LCLAT1: variants seen among roughly 807,000 people sequenced by gnomAD.
The protein encoded by LCLAT1 is lysocardiolipin acyltransferase 1, also known as 1-AGP acyltransferase 8.
A neutral mutation model predicts 30.7 loss-of-function variants in LCLAT1; 11 were observed. The observed-to-expected ratio is 0.36, with a 90% CI of 0.23 to 0.59. The LOEUF (loss-of-function observed/expected upper bound fraction) is 0.59, where lower values mean the gene tolerates loss of function less well. Ranked by LOEUF, LCLAT1 falls within the 20% of genes least tolerant of loss-of-function variation. LCLAT1 has a pLI of 0.77. For missense variants in LCLAT1, 402 were observed against 458.6 expected (o/e 0.88, Z 1.13); for synonymous variants, 155 against 151.3 (o/e 1.02, Z -0.18).
chr2:30,452,583 T>C (rs1483588776), intron 1 of LCLAT1, among the ~76,000 whole-genome samples: 1 of 152,214 alleles, frequency 6.6e-6, no homozygotes, highest in African/African-American at 2.4e-5. Flanking sequence ...ATACAATACA[T>C]GATATTTTAT....
chr2:30,628,824 T>C (rs953519521), intron 5 of LCLAT1, among the ~76,000 whole-genome samples: 1 of 152,114 alleles, frequency 6.6e-6, no homozygotes. Context: ...CAGAGAAATA[T>C]AGGATACATG....
At chr2:30,455,519 G>C (rs1365535476) in intron 1 of LCLAT1, among the ~76,000 whole-genome samples, 1 of 152,110 alleles carries the variant, frequency 6.6e-6, no homozygotes, top group Non-Finnish European at 1.5e-5. Flanking sequence ...GGTGGCTGAT[G>C]GCATTCCTTG....
At chr2:30,540,822 G>T (rs575328808) in intron 3 of LCLAT1, among the ~76,000 whole-genome samples, 3 of 151,660 alleles carry the variant, frequency 2.0e-5, no homozygotes, top group African/African-American at 7.3e-5. Flanking sequence ...CTGCCACCAC[G>T]CCCGGCTACT....
chr2:30,641,481 C>T lies in LCLAT1; in HGVS notation c.*862C>T, dbSNP rs1007540986. ...ACTCAGAACATTCTGTCATTCCAGT[C>T]AGAAACTGTCTTTTGAAATATTTCT... On this transcript the variant is annotated 3_prime_UTR_variant, in exon 6 of 6. Transcript: ENST00000379509. 3.3e-5 allele frequency: 5 copies of T among 152,262 alleles called. No individual in the cohort carries two copies. Among genetic ancestry groups the T allele is most frequent in the African/African-American group, 1.2e-4 (5 of 41,556 alleles). 9.4% of individuals were successfully genotyped at this position (152,262 alleles called of 1,614,324 possible). A position where few individuals can be genotyped will look rare whatever the true frequency, so the allele number is the denominator to read the frequency against.
intron 3 of LCLAT1, among the ~76,000 whole-genome samples, chr2:30,557,491 T>G (rs1056989372): frequency 6.6e-6 from 1 of 152,112 alleles, no homozygotes; most frequent in Non-Finnish European, 1.5e-5. Context: ...CTTGGCTCAC[T>G]GCAACCTCTG....
chr2:30,509,240 C>G (rs1488446810), intron 1 of LCLAT1, among the ~76,000 whole-genome samples: 1 of 152,112 alleles, frequency 6.6e-6, no homozygotes, highest in Non-Finnish European at 1.5e-5. Context: ...TCCTCTCTTC[C>G]TATTTGGATG....
intron 5 of LCLAT1, among the ~76,000 whole-genome samples, chr2:30,634,961 A>G (rs933362440): frequency 6.6e-6 from 1 of 152,250 alleles, no homozygotes; most frequent in African/African-American, 2.4e-5. Context: ...GCCAGAGGCC[A>G]TGGTGCCAGA....
chr2:30,521,171 G>A (rs1417812961), intron 1 of LCLAT1, among the ~76,000 whole-genome samples: 3 of 152,220 alleles, frequency 2.0e-5, no homozygotes, highest in African/African-American at 7.2e-5. Flanking sequence ...AAATGCCAGG[G>A]CAATGTCAAG....
intron 1 of LCLAT1, chr2:30,476,767 G>A (rs561572587): frequency 4.4e-5 from 14 of 317,060 alleles, no homozygotes; most frequent in African/African-American, 1.5e-4. Context: ...TGGAAAAATC[G>A]TCTTCTATGA....
chr2:30,499,790 T>G (rs1263782715), intron 1 of LCLAT1, among the ~76,000 whole-genome samples: 2 of 152,262 alleles, frequency 1.3e-5, no homozygotes, highest in Non-Finnish European at 2.9e-5. Context: ...ATTGCCTTTC[T>G]TAAGCCTTCA....
rs61325694 is a variant in LCLAT1, at chr2:30,568,864, CAAAAA to C, written c.628+704_628+708del. Among the ~76,000 whole-genome samples the C allele has an allele frequency of 1.2e-4, 11 of 89,114 alleles. 1 individual carries two copies. The highest frequency in any genetic ancestry group is 1.1e-3 in the Admixed American group (7 of 6,508). The allele number at this position is 89,114 out of a possible 152,430, so 58.5% of individuals were successfully genotyped here. On this transcript the variant is annotated intron_variant, in intron 5 of 5. Coordinates refer to ENST00000379509, the MANE Select transcript of LCLAT1 (RefSeq NM_001002257.3). Reference sequence around the variant, plus strand: ...CCATTTCTCTAGTAATCATGAATAGCAAAAAAAAAAAAAAAAAAAAGAGAAAAAAA... The same window carrying C: ...CCATTTCTCTAGTAATCATGAATAGCAAAAAAAAAAAAAAAGAGAAAAAAA...
At chr2:30,463,777 C>G (rs1305744176) in intron 1 of LCLAT1, among the ~76,000 whole-genome samples, 1 of 152,194 alleles carries the variant, frequency 6.6e-6, no homozygotes, top group Non-Finnish European at 1.5e-5. Flanking sequence ...GGCCCTGGAA[C>G]AGATCCCCCA....
chr2:30,487,307 T>C (rs1440761605), intron 1 of LCLAT1, among the ~76,000 whole-genome samples: 2 of 152,218 alleles, frequency 1.3e-5, no homozygotes, highest in Non-Finnish European at 2.9e-5. Flanking sequence ...GTTAACTTCA[T>C]TTATTTTAGT....
intron 3 of LCLAT1, among the ~76,000 whole-genome samples, chr2:30,560,902 A>G (rs996504022): frequency 6.6e-6 from 1 of 152,134 alleles, no homozygotes; most frequent in African/African-American, 2.4e-5. Context: ...TATGAATCAT[A>G]GTCAGCTTTG....
chr2:30,547,475 A>C (rs776676364), intron 3 of LCLAT1, among the ~76,000 whole-genome samples: 16 of 152,154 alleles, frequency 1.1e-4, no homozygotes, highest in Non-Finnish European at 2.2e-4. Context: ...AATACCAGAT[A>C]CTGGCTTTCT....
chr2:30,568,981 T>G (rs933205734), intron 5 of LCLAT1, among the ~76,000 whole-genome samples: 1 of 151,480 alleles, frequency 6.6e-6, no homozygotes, highest in African/African-American at 2.4e-5. Flanking sequence ...TAGAGAAATA[T>G]AACGATCTGA....
chr2:30,503,420 C>T (rs1684494115), intron 1 of LCLAT1, among the ~76,000 whole-genome samples: 1 of 152,106 alleles, frequency 6.6e-6, no homozygotes, highest in African/African-American at 2.4e-5. Flanking sequence ...CTTGCTGGAT[C>T]ATATTGTAAC....
intron 1 of LCLAT1, among the ~76,000 whole-genome samples, chr2:30,469,630 G>A (rs1326667995): frequency 6.8e-6 from 1 of 146,420 alleles, no homozygotes; most frequent in Non-Finnish European, 1.5e-5. Context: ...CCAGGGTGGA[G>A]TGCAGTGGTG....
At chr2:30,447,853 C>G (rs1487123937) in intron 1 of LCLAT1, among the ~76,000 whole-genome samples, 1 of 152,194 alleles carries the variant, frequency 6.6e-6, no homozygotes, top group Non-Finnish European at 1.5e-5. Context: ...CGACGAGAGC[C>G]GTGGAGAGCA....
Sources: allele counts gnomAD v4.1 joint callset (sites outside exome capture counted in the v4.1 genomes callset), GRCh38; gene constraint gnomAD v4.1.1; transcripts MANE v1.5; gene names NCBI Gene and HGNC (gene_info 2026-07-23, HGNC 2026-07-21).